Variants in ZMAT3 observed in about 807,000 individuals in gnomAD.
ZMAT3 encodes the protein zinc finger matrin-type protein 3.
ZMAT3 carries 17 observed loss-of-function variants against 32.3 expected under a neutral mutation model. The observed-to-expected ratio is 0.53, with a 90% CI of 0.36 to 0.79. ZMAT3 has a LOEUF of 0.79. Ranked by LOEUF, ZMAT3 falls within the 30% of genes least tolerant of loss-of-function variation. The pLI is 0.00. For missense variants in ZMAT3, 329 were observed against 359.7 expected (o/e 0.91, Z 0.69); for synonymous variants, 120 against 133.1 (o/e 0.90, Z 0.68).
rs1276305391 is a variant in ZMAT3 at position 179,071,667 on chromosome 3, G to C, written c.-130C>G. 2 of 152,224 alleles carry C rather than the reference G, an allele frequency of 1.3e-5. No homozygotes were observed. Among genetic ancestry groups the C allele is most frequent in the African/African-American group, 4.8e-5 (2 of 41,424 alleles). 9.4% of individuals were successfully genotyped at this position (152,224 alleles called of 1,614,324 possible). On this transcript the variant is annotated 5_prime_UTR_variant, in exon 1 of 6. Coordinates refer to ENST00000311417, the MANE Select transcript of ZMAT3 (RefSeq NM_022470.4). The stretch of plus-strand genomic sequence containing the variant: ...GACGCCCGCGACGCCCGCCCTGCGC[G>C]CCCGGCTCGGCCCAGCTCGACCCAG...
chr3:179,022,688 T>C lies in ZMAT3; in HGVS notation c.*2329A>G, dbSNP rs1381714677. ...TTATACTAAGAGTCACAGGTCTAGA[T>C]AGAATCCTAACAGAATAGTATTTGA... On this transcript the variant is annotated 3_prime_UTR_variant, in exon 6 of 6. Transcript: ENST00000311417. 1 of 151,818 alleles carries C rather than the reference T, an allele frequency of 6.6e-6. No homozygotes were observed. The highest frequency in any genetic ancestry group is 6.6e-5 in the Admixed American group (1 of 15,238). 9.4% of individuals were successfully genotyped at this position (151,818 alleles called of 1,614,324 possible).
rs147147304 is a variant in ZMAT3 at position 179,056,619 on chromosome 3, C to A, written c.270+10864G>T. Among the ~76,000 whole-genome samples the A allele has an allele frequency of 8.2e-3, 1,248 of 152,286 alleles. 17 individuals are homozygous for A. The highest frequency in any genetic ancestry group is 0.029 in the African/African-American group (1,204 of 41,568). ...CAGGACTGAGGGTGCCCGGGGCGAG[C>A]GCCAGCCCATGCCATCACCCTCACA... On this transcript the variant is annotated intron_variant, in intron 2 of 5. Transcript: ENST00000311417.
intron 5 of ZMAT3, among the ~76,000 whole-genome samples, chr3:179,027,049 C>T (rs115501540): frequency 0.01 from 1,548 of 152,288 alleles, 26 homozygotes; most frequent in African/African-American, 0.035. Context: ...TTCTGTTTCA[C>T]TAGCCTGGTT....
In ZMAT3 at chr3:179,067,692, T is replaced by C; in HGVS notation, c.61A>G (p.Met21Val). The change falls in exon 2 of 6, where the codon ATG becomes GTG. Residue 21 changes from methionine (M) to valine (V), a missense_variant. Coordinates refer to ENST00000311417, the MANE Select transcript of ZMAT3 (RefSeq NM_022470.4). ...CCTGTAGACCTGGTGGCCACTGACA[T>C]AGGAGGCGAGGGTGAGGGCTGCTTA... ...PPKQPSPSPP[M>V]SVATRSTGTL... 6.2e-7 allele frequency: 1 copy of C among 1,614,046 alleles called. No homozygotes were observed. Among genetic ancestry groups the C allele is most frequent in the Non-Finnish European group, 8.5e-7 (1 of 1,179,986 alleles).
Position 179,046,059 on chromosome 3 carries a change from C to T in ZMAT3, c.271-15060G>A, listed in dbSNP as rs1410841610. Reference sequence around the variant, plus strand: ...CTCTATGACAGGGAGCAGAGAAATCCGGCATGCAGCTAGACAGAGAAATGG... The same window carrying T: ...CTCTATGACAGGGAGCAGAGAAATCTGGCATGCAGCTAGACAGAGAAATGG... On this transcript the variant is annotated intron_variant, in intron 2 of 5. Coordinates refer to ENST00000311417, the MANE Select transcript of ZMAT3 (RefSeq NM_022470.4). The surrounding 1 kb of genome is among the most constrained non-coding windows in gnomAD (Gnocchi z 4.3). 2.0e-5 allele frequency among the ~76,000 whole-genome samples: 3 copies of T among 152,102 alleles called. No individual in the cohort carries two copies. Among genetic ancestry groups the T allele is most frequent in the African/African-American group, 4.8e-5 (2 of 41,418 alleles).
chr3:179,061,047 C>A (rs1251609865), intron 2 of ZMAT3, among the ~76,000 whole-genome samples: 3 of 98,790 alleles, frequency 3.0e-5, no homozygotes, highest in Non-Finnish European at 5.9e-5. Context: ...CCATTACTCC[C>A]CCATTTTATT....
intron 2 of ZMAT3, among the ~76,000 whole-genome samples, chr3:179,038,229 C>T (rs769715451): frequency 2.4e-4 from 37 of 152,108 alleles, no homozygotes; most frequent in Non-Finnish European, 4.7e-4. Flanking sequence ...AGTTTACGAA[C>T]GAGGTCAGGT....
Position 179,032,128 on chromosome 3 carries a change from G to A in ZMAT3, c.271-1129C>T, listed in dbSNP as rs375265152. 3.4e-3 allele frequency among the ~76,000 whole-genome samples: 503 copies of A among 148,636 alleles called. 1 individual carries two copies. The highest frequency in any genetic ancestry group is 5.6e-3 in the Non-Finnish European group (376 of 67,122). Reference sequence around the variant, plus strand: ...CCTGATTCTCCTGCCTCAGCCTGCCGAGTGCCTGCGATTGCAGGTGTGCGC... The same window carrying A: ...CCTGATTCTCCTGCCTCAGCCTGCCAAGTGCCTGCGATTGCAGGTGTGCGC... On this transcript the variant is annotated intron_variant, in intron 2 of 5. Transcript: ENST00000311417.
intron 2 of ZMAT3, among the ~76,000 whole-genome samples, chr3:179,039,954 C>T (rs557147003): frequency 2.6e-5 from 4 of 151,836 alleles, no homozygotes; most frequent in South Asian, 2.1e-4. Context: ...ATAGCCAATT[C>T]GATCTAGTGG....
chr3:179,055,475 T>TC lies in ZMAT3; in HGVS notation c.270+12007dup, dbSNP rs1307862100. ...CAGAGTCCACCTCCCTACCCCAGCGTCCCCTCCCCGACTCCTTCCTCAACT... is the reference window on the plus strand; with the variant it reads ...CAGAGTCCACCTCCCTACCCCAGCGTCCCCCTCCCCGACTCCTTCCTCAACT... On this transcript the variant is annotated intron_variant, in intron 2 of 5. Coordinates refer to ENST00000311417, the MANE Select transcript of ZMAT3 (RefSeq NM_022470.4). Among the ~76,000 whole-genome samples the TC allele has an allele frequency of 7.4e-3, 1,035 of 139,708 alleles. 20 individuals are homozygous for TC. Among genetic ancestry groups the TC allele is most frequent in the Admixed American group, 0.037 (512 of 13,770 alleles). 91.7% of individuals were successfully genotyped at this position (139,708 alleles called of 152,430 possible).
intron 2 of ZMAT3, among the ~76,000 whole-genome samples, chr3:179,052,022 T>C (rs967620904): frequency 6.6e-6 from 1 of 152,068 alleles, no homozygotes; most frequent in Non-Finnish European, 1.5e-5. Flanking sequence ...TATACAAAAA[T>C]CAACTAGAGA....
intron 2 of ZMAT3, among the ~76,000 whole-genome samples, chr3:179,054,735 T>C (rs933308313): frequency 6.6e-6 from 1 of 152,194 alleles, no homozygotes; most frequent in Non-Finnish European, 1.5e-5. Flanking sequence ...ACACTGCTGC[T>C]TGCCGCCATC....
chr3:179,062,659 G>A (rs1408689281), intron 2 of ZMAT3, among the ~76,000 whole-genome samples: 1 of 152,102 alleles, frequency 6.6e-6, no homozygotes, highest in African/African-American at 2.4e-5. Flanking sequence ...TTGATTATTG[G>A]GTAAATGGAC....
intron 2 of ZMAT3, among the ~76,000 whole-genome samples, chr3:179,034,932 C>T (rs975967582): frequency 1.3e-5 from 2 of 152,188 alleles, no homozygotes; most frequent in African/African-American, 4.8e-5. Flanking sequence ...AAGGTACCAA[C>T]ATTTTTCATT....
chr3:179,058,445 T>C (rs925766366), intron 2 of ZMAT3, among the ~76,000 whole-genome samples: 54 of 152,228 alleles, frequency 3.5e-4, no homozygotes, highest in African/African-American at 1.3e-3. Context: ...TGTATACTGA[T>C]GGAAGTTCCT....
At chr3:179,063,166 T>C (rs1721237918) in intron 2 of ZMAT3, among the ~76,000 whole-genome samples, 2 of 152,170 alleles carry the variant, frequency 1.3e-5, no homozygotes, top group African/African-American at 4.8e-5. Flanking sequence ...AAATCTGAAG[T>C]GTGTTTTGGC....
Position 179,024,933 on chromosome 3 carries a change from T to C in ZMAT3, c.*84A>G, listed in dbSNP as rs1378246890. 9.4e-5 allele frequency: 111 copies of C among 1,185,832 alleles called. No homozygotes were observed. Among genetic ancestry groups the C allele is most frequent in the Non-Finnish European group, 1.3e-4 (107 of 830,140 alleles). The allele number at this position is 1,185,832 out of a possible 1,614,324, so 73.5% of individuals were successfully genotyped here. A position where few individuals can be genotyped will look rare whatever the true frequency, so the allele number is the denominator to read the frequency against. On this transcript the variant is annotated 3_prime_UTR_variant, in exon 6 of 6. Transcript: ENST00000311417. ...AACATTAAGCAGAGGAATGTACTCA[T>C]ATCAAAAAGACCACAAAGCAGGGCA...
At chr3:179,065,772 G>C (rs1215860094) in intron 2 of ZMAT3, among the ~76,000 whole-genome samples, 1 of 152,066 alleles carries the variant, frequency 6.6e-6, no homozygotes, top group Non-Finnish European at 1.5e-5. Context: ...TGGGTGTGCT[G>C]GTGTGTGCCT....
rs998047239 is a variant in ZMAT3 at position 179,020,939 on chromosome 3, G to A, written c.*4078C>T. On this transcript the variant is annotated 3_prime_UTR_variant, in exon 6 of 6. Transcript: ENST00000311417. ...AGCAAGCATATAGTTCTGTAGAAAA[G>A]CTTTCTAAAATGAGGTGGAAGATCT... 1 of 152,188 alleles carries A rather than the reference G, an allele frequency of 6.6e-6. No homozygotes were observed. Among genetic ancestry groups the A allele is most frequent in the Non-Finnish European group, 1.5e-5 (1 of 68,026 alleles). The allele number at this position is 152,188 out of a possible 1,614,324, so 9.4% of individuals were successfully genotyped here.
Sources: allele counts gnomAD v4.1 joint callset (sites outside exome capture counted in the v4.1 genomes callset), GRCh38; gene constraint gnomAD v4.1.1; non-coding constraint Gnocchi (gnomAD v3.1); transcripts MANE v1.5; gene names NCBI Gene and HGNC (gene_info 2026-07-23, HGNC 2026-07-21).